The following GYPE variants were observed in gnomAD, a reference collection of about 807,000 sequenced individuals.
GYPE encodes the protein glycophorin E (MNS blood group).
GYPE carries 8 observed loss-of-function variants against 11.6 expected under a neutral mutation model. The ratio of observed to expected loss-of-function variants is 0.69; its 90% confidence interval spans 0.41 to 1.25. The LOEUF (loss-of-function observed/expected upper bound fraction) is 1.25, where lower values mean the gene tolerates loss of function less well. Among genes scored for constraint, GYPE ranks in the 50% most tolerant of loss-of-function variants. The pLI is 0.01. For missense variants in GYPE, 90 were observed against 92.8 expected (o/e 0.97, Z 0.12); for synonymous variants, 28 against 29.6 (o/e 0.94, Z 0.18).
At chr4:143,873,238 A>G (rs1578949235) in intron 3 of GYPE, 1 of 295,392 alleles carries the variant, frequency 3.4e-6, no homozygotes. Context: ...AATATACAGC[A>G]TTTTTATGCT....
At chr4:143,873,663 A>G (rs2875024) in intron 3 of GYPE, among the ~76,000 whole-genome samples, 1 of 152,194 alleles carries the variant, frequency 6.6e-6, no homozygotes, top group African/African-American at 2.4e-5. Flanking sequence ...TCAGCTGATT[A>G]TGTGAACTCA....
intron 2 of GYPE, 53 bp downstream of exon 2, chr4:143,880,358 C>T: frequency 6.2e-7 from 1 of 1,612,858 alleles, no homozygotes; most frequent in Non-Finnish European, 8.5e-7. Context: ...AATAGGGTTG[C>T]ATCACAAAAA....
At chr4:143,872,763 A>G (rs1743659311) in intron 3 of GYPE, among the ~76,000 whole-genome samples, 1 of 152,164 alleles carries the variant, frequency 6.6e-6, no homozygotes, top group Non-Finnish European at 1.5e-5. Flanking sequence ...AAAGATATGA[A>G]GCAAAAAAAG....
intron 3 of GYPE, chr4:143,873,600 G>T (rs1205837675): frequency 2.8e-6 from 1 of 358,394 alleles, no homozygotes; most frequent in East Asian, 7.4e-5. Context: ...ATCTGGAAGA[G>T]ACCCAGATAG....
At chr4:143,901,390 T>A (rs1173125005) in intron 1 of GYPE, among the ~76,000 whole-genome samples, 1 of 149,576 alleles carries the variant, frequency 6.7e-6, no homozygotes, top group Non-Finnish European at 1.5e-5. Flanking sequence ...TATGGTTCTC[T>A]TTGCAGAAAA....
At chr4:143,880,669 GTATTGTAT>G (rs1743991647) in intron 1 of GYPE, among the ~76,000 whole-genome samples, 160 bp from the exon 2 acceptor site, 1 of 152,228 alleles carries the variant, frequency 6.6e-6, no homozygotes, top group Non-Finnish European at 1.5e-5. Context: ...TGTGTGGTAA[GTATTGTAT>G]TATTGGCCTT....
chr4:143,895,247 C>G (rs1204180144), intron 1 of GYPE, among the ~76,000 whole-genome samples: 1 of 152,146 alleles, frequency 6.6e-6, no homozygotes, highest in South Asian at 2.1e-4. Context: ...GATTGTATAT[C>G]TAGAAAACCC....
chr4:143,873,406 T>G (rs1028807733), intron 3 of GYPE: 1 of 454,958 alleles, frequency 2.2e-6, no homozygotes, highest in African/African-American at 2.0e-5. Context: ...TTTATCCAGT[T>G]GAATAATAAA....
intron 3 of GYPE, among the ~76,000 whole-genome samples, chr4:143,874,589 T>C (rs1278400360): frequency 6.6e-6 from 1 of 152,248 alleles, no homozygotes; most frequent in Non-Finnish European, 1.5e-5. Context: ...CTCTACGTCC[T>C]GTTTTTAGGA....
intron 1 of GYPE, among the ~76,000 whole-genome samples, chr4:143,882,722 T>G (rs1385066209): frequency 6.6e-6 from 1 of 152,176 alleles, no homozygotes; most frequent in South Asian, 2.1e-4. Context: ...ATCCTCTCCA[T>G]GCTTCTCCTT....
At chr4:143,903,736 C>T in intron 1 of GYPE, among the ~76,000 whole-genome samples, 1 of 151,772 alleles carries the variant, frequency 6.6e-6, no homozygotes, top group Non-Finnish European at 1.5e-5. Context: ...GTCATCTTGC[C>T]CCAGTGACCT....
intron 1 of GYPE, among the ~76,000 whole-genome samples, chr4:143,896,762 G>A (rs1292641481): frequency 1.3e-5 from 2 of 152,130 alleles, no homozygotes; most frequent in African/African-American, 2.4e-5. Context: ...CAACCCAAAT[G>A]TCCAACAATG....
chr4:143,883,023 T>G (rs1378052819), intron 1 of GYPE, among the ~76,000 whole-genome samples: 1 of 152,206 alleles, frequency 6.6e-6, no homozygotes, highest in Non-Finnish European at 1.5e-5. Context: ...AAATCTCATG[T>G]GGAAATGTAA....
intron 1 of GYPE, among the ~76,000 whole-genome samples, chr4:143,901,071 T>A (rs1476337892): frequency 6.6e-6 from 1 of 152,222 alleles, no homozygotes; most frequent in Non-Finnish European, 1.5e-5. Flanking sequence ...ACTGTTGGTT[T>A]TTATTATTCA....
chr4:143,878,458 GA>G (rs1743893816), intron 2 of GYPE, among the ~76,000 whole-genome samples: 1 of 152,142 alleles, frequency 6.6e-6, no homozygotes, highest in African/African-American at 2.4e-5. Context: ...TTAAAAATAA[GA>G]AATGCCTATT....
chr4:143,902,985 T>C (rs1194168365), intron 1 of GYPE, among the ~76,000 whole-genome samples: 8 of 152,052 alleles, frequency 5.3e-5, no homozygotes, highest in Non-Finnish European at 8.8e-5. Flanking sequence ...AAACACTAAC[T>C]TACCTCCTGT....
At chr4:143,900,721 A>G (rs1744831388) in intron 1 of GYPE, among the ~76,000 whole-genome samples, 1 of 152,198 alleles carries the variant, frequency 6.6e-6, no homozygotes, top group Admixed American at 6.5e-5. Context: ...TAAGTGAAAG[A>G]AGCCATACAC....
At chr4:143,900,380 G>T (rs4277731) in intron 1 of GYPE, among the ~76,000 whole-genome samples, 106,962 of 115,434 alleles carry the variant, frequency 0.93, 50,342 homozygotes, top group Non-Finnish European at 1. Context: ...GAAAAGAGTT[G>T]AGCAGTTCCT....
chr4:143,875,422 A>G, intron 3 of GYPE: 1 of 1,545,170 alleles, frequency 6.5e-7, no homozygotes, highest in Non-Finnish European at 8.8e-7. Flanking sequence ...AAGGAATAGC[A>G]GGTGCAGCCA....
Sources: gnomAD v4.1 joint callset for allele counts (sites outside exome capture counted in the v4.1 genomes callset) on GRCh38, gnomAD v4.1.1 for gene constraint, MANE v1.5 for transcripts, NCBI Gene and HGNC (gene_info 2026-07-23, HGNC 2026-07-21) for gene names.